GLI2: variants seen among roughly 807,000 people sequenced by gnomAD.
GLI2 encodes transcription activator GLI2.
GLI2 carries 22 observed loss-of-function variants against 78.9 expected under a neutral mutation model. The observed-to-expected ratio is 0.28, with a 90% CI of 0.20 to 0.40. The LOEUF (loss-of-function observed/expected upper bound fraction) is 0.40, where lower values mean the gene tolerates loss of function less well. GLI2 is among the 10% of genes least tolerant of loss of function. GLI2 has a pLI of 1.00. For synonymous variants in GLI2, 974 were observed against 963.7 expected (o/e 1.01, Z -0.20); for missense variants, 2,097 against 2,213.2 (o/e 0.95, Z 1.05).
intron 2 of GLI2, among the ~76,000 whole-genome samples, chr2:120,830,203 G>A (rs895482): frequency 1.2e-4 from 19 of 152,096 alleles, no homozygotes; most frequent in Admixed American, 2.6e-4. Context: ...GGCTCCTGGT[G>A]CAGCCACCTG....
intron 2 of GLI2, among the ~76,000 whole-genome samples, chr2:120,881,108 C>T (rs1677091138): frequency 6.6e-6 from 1 of 151,476 alleles, no homozygotes; most frequent in African/African-American, 2.4e-5. Flanking sequence ...ATCTAAAGCA[C>T]CTGACACCCT....
chr2:120,771,546 T>G (rs115638077), intron 1 of GLI2, among the ~76,000 whole-genome samples: 103,225 of 151,966 alleles, frequency 0.68, 36,682 homozygotes, highest in African/African-American at 0.91. Flanking sequence ...AGAAGATGTT[T>G]CTGTTGAAAG....
chr2:120,923,315 A>ATG (rs1679485568), intron 2 of GLI2, among the ~76,000 whole-genome samples: 1 of 9,100 alleles, frequency 1.1e-4, no homozygotes, highest in Admixed American at 1.3e-3. Flanking sequence ...ATATGTACAC[A>ATG]TACAACACAC....
At chr2:120,987,242 G>A (rs1050241718) in intron 13 of GLI2, among the ~76,000 whole-genome samples, 2 of 152,198 alleles carry the variant, frequency 1.3e-5, no homozygotes, top group African/African-American at 2.4e-5. Flanking sequence ...ATTGTGCCGG[G>A]CTGCCCACTG....
intron 3 of GLI2, among the ~76,000 whole-genome samples, chr2:120,948,600 G>A (rs1432848263): frequency 6.6e-6 from 1 of 152,218 alleles, no homozygotes; most frequent in Non-Finnish European, 1.5e-5. Flanking sequence ...CTCACTCCGG[G>A]CCTCTCAGGG....
intron 3 of GLI2, among the ~76,000 whole-genome samples, chr2:120,939,852 C>T (rs551793270): frequency 3.9e-4 from 59 of 152,198 alleles, no homozygotes; most frequent in Admixed American, 8.5e-4. Flanking sequence ...AGACTTCGCC[C>T]GCTGGTTTTG....
intron 2 of GLI2, among the ~76,000 whole-genome samples, chr2:120,811,976 G>A (rs1685265007): frequency 6.6e-6 from 1 of 152,124 alleles, no homozygotes. Flanking sequence ...CTCTGGAACT[G>A]ACATTCTAGT....
intron 1 of GLI2, among the ~76,000 whole-genome samples, chr2:120,789,353 C>A (rs1666512359): frequency 6.6e-6 from 1 of 151,394 alleles, no homozygotes; most frequent in South Asian, 2.1e-4. Flanking sequence ...TGTGGGAACG[C>A]TTTTTTTTTC....
chr2:120,859,021 G>A (rs1041428586), intron 2 of GLI2, among the ~76,000 whole-genome samples: 1 of 135,534 alleles, frequency 7.4e-6, no homozygotes, highest in Admixed American at 7.6e-5. Context: ...ACGGTAAAGC[G>A]GGTGCCCCCT....
intron 2 of GLI2, among the ~76,000 whole-genome samples, chr2:120,911,067 A>C (rs1016890573): frequency 3.3e-5 from 5 of 152,178 alleles, no homozygotes; most frequent in Admixed American, 3.3e-4. Context: ...GTGGGCACCC[A>C]GGAGAACAGG....
At position 120,760,968 on chromosome 2, in the gene GLI2, C is replaced by A. The variant is rs1230163230; in HGVS notation, c.-31+24683C>A. On this transcript the variant is annotated intron_variant, in intron 1 of 13. Transcript: ENST00000361492. Reference sequence around the variant, plus strand: ...GAGGTCTGCTGAGGTGGGCCTTGTCCTGCACAGGAAAAGCAGGGTGGGAAG... The same window carrying A: ...GAGGTCTGCTGAGGTGGGCCTTGTCATGCACAGGAAAAGCAGGGTGGGAAG... Among the ~76,000 whole-genome samples the A allele has an allele frequency of 2.0e-5, 3 of 152,330 alleles. No individual in the cohort carries two copies. In the South Asian group the frequency reaches 6.2e-4, roughly 32 times the overall value.
chr2:120,791,349 T>A (rs1360087641), intron 1 of GLI2, among the ~76,000 whole-genome samples: 1 of 152,118 alleles, frequency 6.6e-6, no homozygotes, highest in African/African-American at 2.4e-5. Context: ...TGGACTGGTG[T>A]CCCTGAGGTC....
At chr2:120,967,296 G>T (rs181226259) in intron 5 of GLI2, among the ~76,000 whole-genome samples, 1 of 152,218 alleles carries the variant, frequency 6.6e-6, no homozygotes, top group Non-Finnish European at 1.5e-5. Context: ...TGCTTCTCAC[G>T]CTTCGCCTAA....
At position 120,990,135 on chromosome 2, in the gene GLI2, G is replaced by T. The variant is rs200149538; in HGVS notation, c.4170G>T (p.Pro1390=). 6.2e-7 allele frequency: 1 copy of T among 1,607,330 alleles called. No homozygotes were observed. The highest frequency in any genetic ancestry group is 8.5e-7 in the Non-Finnish European group (1 of 1,175,704). Residue 1390 remains proline, a synonymous_variant, in exon 14 of 14, where the codon CCG becomes CCT. Transcript: ENST00000361492. ...CAGGCCATGCCATGGCTGCCATGCCGTCCAGTCAGGAAACAGCAGAGGCTG... is the reference window on the plus strand; with the variant it reads ...CAGGCCATGCCATGGCTGCCATGCCTTCCAGTCAGGAAACAGCAGAGGCTG... The part of the protein sequence containing the change: ...RATGHAMAAM[P]SSQETAEAVP...
At chr2:120,927,899 T>A (rs1679766789) in intron 3 of GLI2, among the ~76,000 whole-genome samples, 1 of 152,228 alleles carries the variant, frequency 6.6e-6, no homozygotes, top group African/African-American at 2.4e-5. Context: ...GTCACCATAC[T>A]TAAAAGGACA....
chr2:120,830,493 C>CACA lies in GLI2; in HGVS notation c.148+33026_148+33028dup, dbSNP rs540745774. On this transcript the variant is annotated intron_variant, in intron 2 of 13. Transcript: ENST00000361492. ...GTACGGAGAAGTGGGCCCAGACACA[C>CACA]ACAGACATACACGGATGCCCACCAG... 1.5e-3 allele frequency among the ~76,000 whole-genome samples: 223 copies of CACA among 152,356 alleles called. 1 individual carries two copies. Among genetic ancestry groups the CACA allele is most frequent in the African/African-American group, 5.1e-3 (211 of 41,588 alleles).
chr2:120,942,192 C>T (rs925229045), intron 3 of GLI2, among the ~76,000 whole-genome samples: 2 of 152,184 alleles, frequency 1.3e-5, no homozygotes, highest in Non-Finnish European at 2.9e-5. Flanking sequence ...GCTGCTGTAA[C>T]ACGGTACCAC....
intron 1 of GLI2, among the ~76,000 whole-genome samples, chr2:120,757,014 T>A (rs974384806): frequency 3.3e-5 from 5 of 152,210 alleles, no homozygotes; most frequent in African/African-American, 7.2e-5. Flanking sequence ...TTTTCTTCAA[T>A]GTCTAATCTA....
intron 1 of GLI2, among the ~76,000 whole-genome samples, chr2:120,784,681 C>T (rs967969741): frequency 9.9e-5 from 15 of 152,164 alleles, no homozygotes; most frequent in Non-Finnish European, 1.8e-4. Context: ...GCTCGCCCCC[C>T]AGACACAGCC....
Sources: gnomAD v4.1 joint callset for allele counts (sites outside exome capture counted in the v4.1 genomes callset) on GRCh38, gnomAD v4.1.1 for gene constraint, MANE v1.5 for transcripts, NCBI Gene and HGNC (gene_info 2026-07-23, HGNC 2026-07-21) for gene names.